The following PCDHA4 variants were observed in gnomAD, a reference collection of about 807,000 sequenced individuals.
PCDHA4 encodes the protein protocadherin alpha-4.
In PCDHA4, 49 loss-of-function variants were observed where a neutral mutation model predicts 61.4. That is an observed-to-expected ratio of 0.80 (90% CI 0.63 to 1.01). The LOEUF is 1.01. Among genes scored for constraint, PCDHA4 ranks in the 50% least tolerant of loss-of-function variants. The pLI is 0.00. For synonymous variants in PCDHA4, 590 were observed against 550.3 expected, an observed-to-expected ratio of 1.07 and a Z score of -1.01; for missense variants, 1,254 against 1,235.8, an observed-to-expected ratio of 1.01 and a Z score of -0.22.
intron 3 of PCDHA4, among the ~76,000 whole-genome samples, chr5:140,997,129 C>A (rs983112049): frequency 6.6e-6 from 1 of 151,976 alleles, no homozygotes; most frequent in Non-Finnish European, 1.5e-5. Flanking sequence ...ATACACAATG[C>A]CCCCACACCC....
At chr5:140,895,898 G>A (rs1023440863) in intron 1 of PCDHA4, among the ~76,000 whole-genome samples, 2 of 152,016 alleles carry the variant, frequency 1.3e-5, no homozygotes, top group South Asian at 4.1e-4. Flanking sequence ...TGCAACCTCC[G>A]CGTCCCGGGC....
chr5:140,893,467 A>G (rs2064001411), intron 1 of PCDHA4, among the ~76,000 whole-genome samples: 1 of 152,186 alleles, frequency 6.6e-6, no homozygotes, highest in Non-Finnish European at 1.5e-5. Context: ...AGCCTGGGCA[A>G]CATAGCAAGA....
chr5:140,841,817 T>G lies in PCDHA4; in HGVS notation c.2385+32245T>G, dbSNP rs142905144. On this transcript the variant is annotated intron_variant, in intron 1 of 3. Coordinates refer to ENST00000530339, the MANE Select transcript of PCDHA4 (RefSeq NM_018907.4). ...GTCCGATGCAGATGTTGGAGCTAAC[T>G]CCGTGTTAACCTACAGGCTTAGCTC... 5.3e-5 allele frequency: 85 copies of G among 1,613,922 alleles called. No individual in the cohort carries two copies. The African/African-American group carries it at 1.1e-3, about 20-fold the overall frequency.
chr5:140,966,501 C>A (rs993120522), intron 1 of PCDHA4: 8 of 436,558 alleles, frequency 1.8e-5, no homozygotes, highest in Admixed American at 8.7e-5. Flanking sequence ...GGAGCTGTAG[C>A]GGCAGCAGCA....
chr5:140,842,487 T>G, intron 1 of PCDHA4: 3 of 1,613,936 alleles, frequency 1.9e-6, no homozygotes, highest in Non-Finnish European at 2.5e-6. Context: ...ACCTGCTCCC[T>G]GATGCCCCAT....
intron 1 of PCDHA4, among the ~76,000 whole-genome samples, chr5:140,962,088 T>C (rs893852980): frequency 6.6e-6 from 1 of 152,092 alleles, no homozygotes; most frequent in Non-Finnish European, 1.5e-5. Flanking sequence ...GGTTTCACCA[T>C]GTTAGCCAGG....
At chr5:140,912,385 C>A (rs1323082765) in intron 1 of PCDHA4, among the ~76,000 whole-genome samples, 6 of 148,114 alleles carry the variant, frequency 4.1e-5, no homozygotes, top group African/African-American at 1.5e-4. Context: ...GGATTGAGTT[C>A]TTAATTTGAT....
rs782564746 is a variant in PCDHA4 at position 140,871,379 on chromosome 5, C to T, written c.2385+61807C>T. 2.2e-5 allele frequency: 36 copies of T among 1,614,072 alleles called. No homozygotes were observed. Among genetic ancestry groups the T allele is most frequent in the Non-Finnish European group, 2.8e-5 (33 of 1,180,034 alleles). On this transcript the variant is annotated intron_variant, in intron 1 of 3. Transcript: ENST00000530339. ...CAGCAGAGGCGGCAGAGGGTGTGCT[C>T]TGAGGAGGGCCCACCTAAGACGGAC...
chr5:140,857,560 G>C, intron 1 of PCDHA4: 1 of 1,596,914 alleles, frequency 6.3e-7, no homozygotes, highest in Non-Finnish European at 8.6e-7. Flanking sequence ...GCTCGCTGTC[G>C]AGCTACGTGT....
intron 1 of PCDHA4, among the ~76,000 whole-genome samples, chr5:140,888,353 A>G (rs907810387): frequency 1.9e-4 from 29 of 152,220 alleles, no homozygotes; most frequent in African/African-American, 6.8e-4. Context: ...GGGAATTGCT[A>G]CTGGCATCTA....
intron 1 of PCDHA4, chr5:140,871,314 G>A (rs199741530): frequency 6.2e-7 from 1 of 1,614,048 alleles, no homozygotes; most frequent in East Asian, 2.2e-5. Context: ...GGAAGCCCAC[G>A]CTGGTGTGCT....
intron 1 of PCDHA4, among the ~76,000 whole-genome samples, chr5:140,871,921 A>G (rs1267841761): frequency 6.6e-6 from 1 of 152,296 alleles, no homozygotes; most frequent in African/African-American, 2.4e-5. Flanking sequence ...ATATTTCCAC[A>G]TTGTTAGATC....
intron 1 of PCDHA4, chr5:140,863,338 C>G: frequency 2.2e-6 from 3 of 1,361,684 alleles, no homozygotes; most frequent in Non-Finnish European, 3.0e-6. Flanking sequence ...GCTCACGTTG[C>G]TGCTGTACAC....
intron 1 of PCDHA4, among the ~76,000 whole-genome samples, chr5:140,846,785 T>C (rs1780675366): frequency 6.7e-6 from 1 of 149,494 alleles, no homozygotes; most frequent in South Asian, 2.1e-4. Flanking sequence ...GAATTATTAC[T>C]GAGCCCCAGC....
chr5:140,841,942 G>A (rs782585839), intron 1 of PCDHA4: 15 of 1,613,920 alleles, frequency 9.3e-6, no homozygotes, highest in East Asian at 2.2e-5. Context: ...ACGCTCCTGC[G>A]CACCACTTAT....
intron 1 of PCDHA4, among the ~76,000 whole-genome samples, chr5:140,838,076 T>C (rs13170073): frequency 3.2e-5 from 1 of 31,122 alleles, no homozygotes; most frequent in African/African-American, 2.4e-4. Flanking sequence ...TATATATATA[T>C]AGTGTGTGTG....
At chr5:140,936,446 C>G (rs1200299868) in intron 1 of PCDHA4, among the ~76,000 whole-genome samples, 1 of 152,164 alleles carries the variant, frequency 6.6e-6, no homozygotes, top group Non-Finnish European at 1.5e-5. Flanking sequence ...TAAATAACCA[C>G]ATCTGTTTAG....
chr5:140,875,809 C>T, intron 1 of PCDHA4: 1 of 1,614,146 alleles, frequency 6.2e-7, no homozygotes, highest in Non-Finnish European at 8.5e-7. Flanking sequence ...CGTGGACAGG[C>T]CGCTGCAGGT....
chr5:140,879,003 G>C (rs781827510), intron 1 of PCDHA4, among the ~76,000 whole-genome samples: 1 of 152,144 alleles, frequency 6.6e-6, no homozygotes, highest in African/African-American at 2.4e-5. Flanking sequence ...GTATGCCCTA[G>C]AAATCAGATA....
Sources: allele counts gnomAD v4.1 joint callset (sites outside exome capture counted in the v4.1 genomes callset), GRCh38; gene constraint gnomAD v4.1.1; transcripts MANE v1.5; gene names NCBI Gene and HGNC (gene_info 2026-07-23, HGNC 2026-07-21).